Variants in CTNNA2 observed in about 807,000 individuals in gnomAD.
The protein encoded by CTNNA2 is catenin alpha-2.
A neutral mutation model predicts 101.0 loss-of-function variants in CTNNA2; 42 were observed. That is an observed-to-expected ratio of 0.42 (90% CI 0.32 to 0.54). CTNNA2 has a LOEUF of 0.54. CTNNA2 is among the 20% of genes least tolerant of loss of function. The pLI is 0.14. For missense variants in CTNNA2, 871 were observed against 1,223.1 expected, an observed-to-expected ratio of 0.71 and a Z score of 4.29; for synonymous variants, 450 against 456.4, an observed-to-expected ratio of 0.99 and a Z score of 0.18.
chr2:79,285,028 A>T (rs1174599510), intron 2 of CTNNA2, among the ~76,000 whole-genome samples: 1 of 129,994 alleles, frequency 7.7e-6, no homozygotes, highest in Non-Finnish European at 1.6e-5. Context: ...TTTCTTCTAG[A>T]TTTTCTAGTT....
At chr2:79,674,583 A>G (rs17017511) in intron 2 of CTNNA2, among the ~76,000 whole-genome samples, 18,162 of 152,174 alleles carry the variant, frequency 0.12, 2,065 homozygotes, top group African/African-American at 0.29. Context: ...TAAATAGGGA[A>G]CTTAAAAAAG....
intron 3 of CTNNA2, among the ~76,000 whole-genome samples, chr2:79,346,334 C>A (rs1189083847): frequency 6.6e-6 from 1 of 152,088 alleles, no homozygotes; most frequent in African/African-American, 2.4e-5. Flanking sequence ...AACCCTGTTG[C>A]TATTTTGTCC....
At chr2:79,816,883 CT>C in intron 3 of CTNNA2, among the ~76,000 whole-genome samples, 1 of 152,300 alleles carries the variant, frequency 6.6e-6, no homozygotes, top group East Asian at 1.9e-4. Context: ...AAAAGAGCAT[CT>C]CAAACCTTAC....
intron 7 of CTNNA2, among the ~76,000 whole-genome samples, chr2:80,251,236 G>A (rs927709476): frequency 1.3e-5 from 2 of 151,992 alleles, no homozygotes; most frequent in Non-Finnish European, 2.9e-5. Context: ...TCCGGCACCC[G>A]GCATGTTCCT....
chr2:79,444,168 G>A (rs1043336729), intron 4 of CTNNA2, among the ~76,000 whole-genome samples: 2 of 151,988 alleles, frequency 1.3e-5, no homozygotes, highest in East Asian at 1.9e-4. Flanking sequence ...CTAAAACAAA[G>A]GACCCAGATA....
intron 1 of CTNNA2, among the ~76,000 whole-genome samples, chr2:79,598,008 T>C (rs1677310974): frequency 6.6e-6 from 1 of 152,254 alleles, no homozygotes; most frequent in Non-Finnish European, 1.5e-5. Context: ...GTTTGCCACA[T>C]ACTTAGAATC....
chr2:80,445,195 T>C (rs947169696), intron 9 of CTNNA2, among the ~76,000 whole-genome samples: 1 of 152,134 alleles, frequency 6.6e-6, no homozygotes, highest in African/African-American at 2.4e-5. Flanking sequence ...TTTATTTATT[T>C]TTTTGAGACA....
At chr2:80,392,456 A>C (rs1353989412) in intron 7 of CTNNA2, among the ~76,000 whole-genome samples, 4 of 152,178 alleles carry the variant, frequency 2.6e-5, no homozygotes, top group African/African-American at 7.2e-5. Flanking sequence ...TTAAAAAGAC[A>C]ATGGGGATTC....
intron 7 of CTNNA2, among the ~76,000 whole-genome samples, chr2:79,917,008 G>A (rs143445377): frequency 1.4e-4 from 22 of 152,106 alleles, no homozygotes; most frequent in Non-Finnish European, 2.8e-4. Flanking sequence ...GAGCAGTGGC[G>A]CGATCTTAGC....
chr2:79,981,997 TA>T (rs1258148117), intron 7 of CTNNA2, among the ~76,000 whole-genome samples: 4 of 151,326 alleles, frequency 2.6e-5, no homozygotes, highest in Non-Finnish European at 5.9e-5. Flanking sequence ...GGATTATATA[TA>T]AAAACAGCCA....
At chr2:79,743,616 C>T (rs1416554917) in intron 2 of CTNNA2, among the ~76,000 whole-genome samples, 3 of 151,750 alleles carry the variant, frequency 2.0e-5, no homozygotes, top group African/African-American at 4.8e-5. Flanking sequence ...TAACTGCAAC[C>T]TCTGCCTCCC....
chr2:79,606,472 G>C (rs1677900761), intron 1 of CTNNA2, among the ~76,000 whole-genome samples: 1 of 152,100 alleles, frequency 6.6e-6, no homozygotes, highest in African/African-American at 2.4e-5. Context: ...GTTTCAGCTT[G>C]TTAGCCAAGA....
intron 2 of CTNNA2, among the ~76,000 whole-genome samples, chr2:79,729,658 G>A (rs528826973): frequency 3.2e-4 from 49 of 152,158 alleles, no homozygotes; most frequent in African/African-American, 1.2e-3. Flanking sequence ...AAGCATAATT[G>A]CAACCTGTTC....
intron 12 of CTNNA2, among the ~76,000 whole-genome samples, chr2:80,568,092 A>G (rs1694225892): frequency 1.3e-5 from 2 of 152,140 alleles, no homozygotes; most frequent in Middle Eastern, 3.2e-3. Context: ...AGAATTATGA[A>G]TCTTTCTTGC....
chr2:80,133,747 T>C (rs1702541381), intron 7 of CTNNA2, among the ~76,000 whole-genome samples: 1 of 152,312 alleles, frequency 6.6e-6, no homozygotes, highest in East Asian at 1.9e-4. Context: ...CTACGGGTTG[T>C]TTTCTACTGA....
intron 7 of CTNNA2, among the ~76,000 whole-genome samples, chr2:80,077,127 G>A (rs1383569388): frequency 1.3e-5 from 2 of 152,128 alleles, no homozygotes; most frequent in Admixed American, 1.3e-4. Context: ...TACTGGAGAG[G>A]ATATGGAACA....
At chr2:79,724,427 A>G (rs936422593) in intron 2 of CTNNA2, among the ~76,000 whole-genome samples, 2 of 152,032 alleles carry the variant, frequency 1.3e-5, no homozygotes, top group African/African-American at 4.8e-5. Context: ...TTCATGAACA[A>G]CAGGAGGATG....
intron 7 of CTNNA2, among the ~76,000 whole-genome samples, chr2:80,005,870 A>G (rs1477278856): frequency 2.2e-4 from 33 of 152,052 alleles, no homozygotes. Flanking sequence ...GGAGTGTAAT[A>G]CAATATTGAG....
At chr2:80,458,941 A>G (rs1684201496) in intron 9 of CTNNA2, among the ~76,000 whole-genome samples, 1 of 152,204 alleles carries the variant, frequency 6.6e-6, no homozygotes, top group African/African-American at 2.4e-5. Flanking sequence ...AAGCTGCCCT[A>G]TACAGATGTA....
Sources: gnomAD v4.1 joint callset for allele counts (sites outside exome capture counted in the v4.1 genomes callset) on GRCh38, gnomAD v4.1.1 for gene constraint, MANE v1.5 for transcripts, NCBI Gene and HGNC (gene_info 2026-07-23, HGNC 2026-07-21) for gene names.